Variants in KANSL1 observed in about 807,000 individuals in gnomAD.
KANSL1 encodes the protein KAT8 regulatory NSL complex subunit 1, also known as MLL1/MLL complex subunit KANSL1.
In KANSL1, 22 loss-of-function variants were observed where a neutral mutation model predicts 103.6. The observed-to-expected ratio is 0.21, with a 90% CI of 0.15 to 0.30. The LOEUF (loss-of-function observed/expected upper bound fraction) is 0.30, where lower values mean the gene tolerates loss of function less well. Ranked by LOEUF, KANSL1 falls within the 10% of genes least tolerant of loss-of-function variation. KANSL1 has a pLI of 1.00. For missense variants in KANSL1, 1,337 were observed against 1,399.8 expected, an observed-to-expected ratio of 0.96 and a Z score of 0.72; for synonymous variants, 600 against 527.6, an observed-to-expected ratio of 1.14 and a Z score of -1.88.
chr17:46,129,750 A>C (rs531000803), intron 2 of KANSL1, among the ~76,000 whole-genome samples: 1 of 152,312 alleles, frequency 6.6e-6, no homozygotes, highest in East Asian at 1.9e-4. Flanking sequence ...CTTTTGAATA[A>C]GATTCAGATT....
At chr17:46,099,492 T>C (rs1208925217) in intron 2 of KANSL1, among the ~76,000 whole-genome samples, 5 of 152,230 alleles carry the variant, frequency 3.3e-5, no homozygotes, top group Admixed American at 6.5e-5. Flanking sequence ...ACATGTTTAA[T>C]GTTATACCAT....
intron 4 of KANSL1, among the ~76,000 whole-genome samples, chr17:46,080,360 T>G (rs1246050549): frequency 6.8e-6 from 1 of 147,874 alleles, no homozygotes; most frequent in Non-Finnish European, 1.5e-5. Flanking sequence ...CTACCTCCAT[T>G]TGGGGAAAAA....
chr17:46,084,301 G>T (rs1337635391), intron 3 of KANSL1, among the ~76,000 whole-genome samples: 6 of 152,090 alleles, frequency 3.9e-5, no homozygotes, highest in Non-Finnish European at 8.8e-5. Flanking sequence ...AGAATCGCTT[G>T]AACTCAGGAG....
At chr17:46,033,546 T>C in intron 11 of KANSL1, 86 bp from the exon 12 acceptor site, 2 of 1,091,250 alleles carry the variant, frequency 1.8e-6, no homozygotes, top group East Asian at 2.4e-5. Flanking sequence ...AGGATGAGAA[T>C]CCTGCACCTG....
At chr17:46,196,087 T>A (rs62060953), upstream of KANSL1, 3 of 306,156 alleles carry the variant, frequency 9.8e-6, no homozygotes, top group Non-Finnish European at 1.3e-5. Flanking sequence ...ACAAACAAAA[T>A]TTTAAATTAG....
intron 2 of KANSL1, among the ~76,000 whole-genome samples, chr17:46,133,486 G>A (rs932565718): frequency 4.6e-5 from 7 of 152,160 alleles, no homozygotes; most frequent in Non-Finnish European, 7.3e-5. Context: ...AAAAGCACAC[G>A]TCAAGGCATG....
intron 4 of KANSL1, among the ~76,000 whole-genome samples, chr17:46,074,986 C>A (rs938061206): frequency 6.6e-6 from 1 of 151,936 alleles, no homozygotes; most frequent in African/African-American, 2.4e-5. Flanking sequence ...TAAAACAATG[C>A]GTAACCTCTA....
At chr17:46,082,931 G>T (rs2079037104) in intron 3 of KANSL1, among the ~76,000 whole-genome samples, 1 of 152,054 alleles carries the variant, frequency 6.6e-6, no homozygotes, top group Non-Finnish European at 1.5e-5. Flanking sequence ...AGCTGAAAAT[G>T]CTACTATTCT....
intron 2 of KANSL1, among the ~76,000 whole-genome samples, chr17:46,163,146 T>C (rs766687915): frequency 6.6e-6 from 1 of 152,260 alleles, no homozygotes; most frequent in African/African-American, 2.4e-5. Flanking sequence ...CGCTTAAATA[T>C]TAATCTCTCT....
At chr17:46,119,387 A>C (rs1349949850) in intron 2 of KANSL1, among the ~76,000 whole-genome samples, 1 of 151,438 alleles carries the variant, frequency 6.6e-6, no homozygotes, top group Admixed American at 6.6e-5. Flanking sequence ...GGTTCACTGC[A>C]ACCTCCGCTT....
At chr17:46,142,783 T>C (rs959123417) in intron 2 of KANSL1, among the ~76,000 whole-genome samples, 9 of 152,276 alleles carry the variant, frequency 5.9e-5, no homozygotes, top group Admixed American at 6.5e-5. Context: ...ACCTGCTTGT[T>C]ACACTGCTGG....
At chr17:46,115,027 T>C (rs1332388751) in intron 2 of KANSL1, among the ~76,000 whole-genome samples, 5 of 152,194 alleles carry the variant, frequency 3.3e-5, no homozygotes, top group African/African-American at 1.2e-4. Flanking sequence ...CATTTTTTCT[T>C]TGGCAAACAG....
At chr17:46,081,140 C>T (rs1456496302) in intron 4 of KANSL1, among the ~76,000 whole-genome samples, 1 of 152,142 alleles carries the variant, frequency 6.6e-6, no homozygotes, top group Non-Finnish European at 1.5e-5. Flanking sequence ...GACTGTTATG[C>T]CCTGTCCTTC....
intron 6 of KANSL1, among the ~76,000 whole-genome samples, chr17:46,061,999 G>C (rs1289550165): frequency 2.0e-5 from 3 of 148,442 alleles, no homozygotes; most frequent in African/African-American, 7.4e-5. Context: ...GGCTGAGGCA[G>C]GAAAATTGCT....
chr17:46,182,989 T>A (rs2046857828), intron 1 of KANSL1, among the ~76,000 whole-genome samples: 1 of 152,202 alleles, frequency 6.6e-6, no homozygotes. Context: ...AGCACCACAG[T>A]AAGTACATAC....
At chr17:46,173,163 C>T (rs2046367012) in intron 1 of KANSL1, among the ~76,000 whole-genome samples, 1 of 152,184 alleles carries the variant, frequency 6.6e-6, no homozygotes, top group Admixed American at 6.5e-5. Flanking sequence ...GTACTATCAT[C>T]CTCTTCTCTT....
Position 46,171,464 on chromosome 17 carries a change from C to A in KANSL1, c.680G>T (p.Ser227Ile), listed in dbSNP as rs150345690. ...ATTGACAGAGGATTTGTTTGCAGTG[C>A]TATTATTGCTATACAAAGTTGTGTG... Reference protein sequence around the residue: ...VEHTTLYSNNSTANKSSVNSM... With the variant: ...VEHTTLYSNNITANKSSVNSM... Residue 227 changes from serine (S) to isoleucine (I), a missense_variant, in exon 2 of 15, where the codon AGC (serine) becomes ATC (isoleucine). Physicochemically the swap from Ser to Ile is moderately radical, Grantham distance 142. This residue lies in a region of KANSL1 where 557 missense variants were observed against 476.4 expected (regional missense o/e 1.17). Coordinates refer to ENST00000432791, the MANE Select transcript of KANSL1 (RefSeq NM_015443.4). The A allele has an allele frequency of 8.7e-5, 140 of 1,613,940 alleles. No homozygotes were observed. The highest frequency in any genetic ancestry group is 1.2e-4 in the Non-Finnish European group (136 of 1,180,014).
At chr17:46,050,795 G>C in intron 6 of KANSL1, 91 bp from the exon 7 acceptor site, 1 of 1,156,618 alleles carries the variant, frequency 8.6e-7, no homozygotes, top group Non-Finnish European at 1.2e-6. Context: ...TGAGAAGTTA[G>C]CTCCCCATTT....
chr17:46,148,371 C>T (rs1442160195), intron 2 of KANSL1: 1 of 152,192 alleles, frequency 6.6e-6, no homozygotes, highest in Non-Finnish European at 1.5e-5. Context: ...AATATGTTCA[C>T]ATATATAACT....
Sources: allele counts gnomAD v4.1 joint callset (sites outside exome capture counted in the v4.1 genomes callset), GRCh38; gene constraint gnomAD v4.1.1; regional missense constraint gnomAD v4.1.1; transcripts MANE v1.5; gene names NCBI Gene and HGNC (gene_info 2026-07-23, HGNC 2026-07-21).